DLGAP2: variants seen among roughly 807,000 people sequenced by gnomAD.
DLGAP2 encodes the protein DLG associated protein 2.
DLGAP2 carries 26 observed loss-of-function variants against 100.3 expected under a neutral mutation model. The observed-to-expected ratio is 0.26, with a 90% CI of 0.19 to 0.36. The LOEUF is 0.36. Ranked by LOEUF, DLGAP2 falls within the 10% of genes least tolerant of loss-of-function variation. DLGAP2 has a pLI of 1.00. For synonymous variants in DLGAP2, 886 were observed against 630.1 expected (o/e 1.41, Z -6.08); for missense variants, 1,858 against 1,453.2 (o/e 1.28, Z -4.53).
intron 3 of DLGAP2, among the ~76,000 whole-genome samples, chr8:1,479,149 G>A (rs1043806803): frequency 6.6e-6 from 1 of 152,288 alleles, no homozygotes; most frequent in Non-Finnish European, 1.5e-5. Context: ...CAGCAGGCCA[G>A]TGTTTCTTCA....
chr8:1,613,375 C>T (rs1797042169), intron 6 of DLGAP2, among the ~76,000 whole-genome samples: 1 of 151,358 alleles, frequency 6.6e-6, no homozygotes, highest in African/African-American at 2.4e-5. Flanking sequence ...GGGAACATCA[C>T]ACTCTGGGGA....
chr8:1,425,504 G>C (rs1316079961), intron 3 of DLGAP2, among the ~76,000 whole-genome samples: 1 of 152,204 alleles, frequency 6.6e-6, no homozygotes, highest in Non-Finnish European at 1.5e-5. Context: ...GGTCTTCCCT[G>C]AGGACAGACA....
intron 3 of DLGAP2, among the ~76,000 whole-genome samples, chr8:1,344,168 C>CTGTGGGCCCTG (rs1563095139): frequency 6.6e-6 from 1 of 151,200 alleles, no homozygotes; most frequent in African/African-American, 2.4e-5. Context: ...GGTCTTTGTA[C>CTGTGGGCCCTG]TCGGGGCGCT....
intron 1 of DLGAP2, among the ~76,000 whole-genome samples, chr8:887,302 T>G (rs149955784): frequency 0.041 from 6,200 of 152,232 alleles, 170 homozygotes; most frequent in Non-Finnish European, 0.059. Context: ...TACAGCACAC[T>G]GATGGGTCTT....
chr8:1,186,410 A>G (rs1411340722), intron 2 of DLGAP2, among the ~76,000 whole-genome samples: 3 of 152,216 alleles, frequency 2.0e-5, no homozygotes, highest in Non-Finnish European at 4.4e-5. Flanking sequence ...GGTGGGGGAC[A>G]GTTCCCAGGC....
At chr8:1,217,652 C>G (rs1022029290) in intron 2 of DLGAP2, among the ~76,000 whole-genome samples, 1 of 152,050 alleles carries the variant, frequency 6.6e-6, no homozygotes, top group Non-Finnish European at 1.5e-5. Flanking sequence ...GGAATTTTAA[C>G]CTCCCTGGTT....
chr8:1,270,680 CTATTTATGTCTCTG>C (rs1259710218), intron 3 of DLGAP2, among the ~76,000 whole-genome samples: 2 of 148,154 alleles, frequency 1.3e-5, no homozygotes, highest in African/African-American at 5.0e-5. Flanking sequence ...GTGTGTCTCT[CTATTTATGTCTCTG>C]TGTGTGTCTC....
Position 889,063 on chromosome 8 carries a change from C to T in DLGAP2, c.19-18849C>T, listed in dbSNP as rs187222595. Among the ~76,000 whole-genome samples, 389 of 152,132 alleles carry T rather than the reference C, an allele frequency of 2.6e-3. 3 individuals are homozygous for T. The highest frequency in any genetic ancestry group is 8.1e-3 in the African/African-American group (337 of 41,484). On this transcript the variant is annotated intron_variant, in intron 1 of 14. Coordinates refer to ENST00000637795, the MANE Select transcript of DLGAP2 (RefSeq NM_001346810.2). The stretch of plus-strand genomic sequence containing the variant: ...CAGTCAAAGGGGGGTTGTTCTCTGG[C>T]GGGCAGACTGGAGGTCACAAGGTGC...
At chr8:1,009,276 A>G (rs920487630) in intron 2 of DLGAP2, among the ~76,000 whole-genome samples, 8 of 152,186 alleles carry the variant, frequency 5.3e-5, no homozygotes, top group African/African-American at 1.9e-4. Context: ...GTCAAGTCCC[A>G]GCAGAACAGA....
At chr8:975,518 A>C (rs1800140239) in intron 2 of DLGAP2, among the ~76,000 whole-genome samples, 1 of 152,224 alleles carries the variant, frequency 6.6e-6, no homozygotes, top group African/African-American at 2.4e-5. Flanking sequence ...AGGGAATCAA[A>C]TCTAACAACG....
At chr8:780,804 C>T (rs1342738041) in intron 1 of DLGAP2, among the ~76,000 whole-genome samples, 1 of 152,242 alleles carries the variant, frequency 6.6e-6, no homozygotes, top group Non-Finnish European at 1.5e-5. Context: ...GGCTGGTGCC[C>T]TGTGGCCAGG....
At chr8:1,032,565 C>T (rs1802006407) in intron 2 of DLGAP2, 1 of 152,226 alleles carries the variant, frequency 6.6e-6, no homozygotes, top group African/African-American at 2.4e-5. Context: ...TAAACATTTT[C>T]TGGTCTGTTT....
intron 3 of DLGAP2, among the ~76,000 whole-genome samples, chr8:1,422,402 T>C (rs1442408597): frequency 2.0e-5 from 3 of 152,044 alleles, no homozygotes; most frequent in Non-Finnish European, 2.9e-5. Flanking sequence ...CACGCTTGTG[T>C]ATATGTAGGG....
At chr8:1,141,734 T>G (rs1392541536) in intron 2 of DLGAP2, among the ~76,000 whole-genome samples, 1 of 152,226 alleles carries the variant, frequency 6.6e-6, no homozygotes, top group South Asian at 2.1e-4. Context: ...ATCATAGTCT[T>G]CAAGAATATT....
At chr8:913,890 G>C (rs1798539389) in intron 2 of DLGAP2, among the ~76,000 whole-genome samples, 1 of 152,234 alleles carries the variant, frequency 6.6e-6, no homozygotes, top group African/African-American at 2.4e-5. Context: ...GAAAGATGGG[G>C]AGGCTGTGGG....
chr8:1,173,572 C>G (rs966365020), intron 2 of DLGAP2, among the ~76,000 whole-genome samples: 1 of 152,214 alleles, frequency 6.6e-6, no homozygotes, highest in African/African-American at 2.4e-5. Context: ...TTTACCTAAG[C>G]AAGCCTGGGC....
intron 2 of DLGAP2, among the ~76,000 whole-genome samples, chr8:1,153,190 G>T (rs1796726156): frequency 6.6e-6 from 1 of 152,098 alleles, no homozygotes. Flanking sequence ...GAGCGGTGTG[G>T]CAGGCAGAGT....
At chr8:806,640 C>G (rs1563041741) in intron 1 of DLGAP2, among the ~76,000 whole-genome samples, 1 of 152,132 alleles carries the variant, frequency 6.6e-6, no homozygotes, top group African/African-American at 2.4e-5. Context: ...CCTGCTGACC[C>G]CTTCGGGGCC....
intron 2 of DLGAP2, among the ~76,000 whole-genome samples, chr8:1,166,059 C>T (rs1438450430): frequency 6.6e-6 from 1 of 152,138 alleles, no homozygotes; most frequent in South Asian, 2.1e-4. Context: ...TGCTCTTTGC[C>T]CAAGGTTATC....
Sources: gnomAD v4.1 joint callset for allele counts (sites outside exome capture counted in the v4.1 genomes callset) on GRCh38, gnomAD v4.1.1 for gene constraint, MANE v1.5 for transcripts, NCBI Gene and HGNC (gene_info 2026-07-23, HGNC 2026-07-21) for gene names.